PAK5: variants seen among roughly 807,000 people sequenced by gnomAD.
PAK5 encodes the protein p21 (RAC1) activated kinase 5, also known as serine/threonine-protein kinase PAK 5.
A neutral mutation model predicts 65.9 loss-of-function variants in PAK5; 16 were observed. The observed-to-expected ratio is 0.24, with a 90% CI of 0.16 to 0.37. The LOEUF is 0.37. Among genes scored for constraint, PAK5 ranks in the 10% least tolerant of loss-of-function variants. The pLI, the probability that PAK5 is intolerant of heterozygous loss-of-function variation, is 1.00. For missense variants in PAK5, 785 were observed against 903.9 expected (o/e 0.87, Z 1.69); for synonymous variants, 371 against 354.9 (o/e 1.05, Z -0.51).
At chr20:9,696,479 G>A (rs1178114108) in intron 2 of PAK5, among the ~76,000 whole-genome samples, 2 of 151,984 alleles carry the variant, frequency 1.3e-5, no homozygotes, top group African/African-American at 4.8e-5. Context: ...AGCATTTTGG[G>A]GGGTTATTTA....
intron 1 of PAK5, among the ~76,000 whole-genome samples, chr20:9,740,433 C>T (rs1342986246): frequency 1.3e-5 from 2 of 152,142 alleles, no homozygotes; most frequent in Non-Finnish European, 2.9e-5. Flanking sequence ...GGTAATGCCT[C>T]CATCATTCAC....
At chr20:9,771,907 A>C (rs1302201028) in intron 1 of PAK5, among the ~76,000 whole-genome samples, 1 of 152,062 alleles carries the variant, frequency 6.6e-6, no homozygotes, top group Non-Finnish European at 1.5e-5. Context: ...GTGTGCTGGT[A>C]CATGCCCATG....
At position 9,827,924 on chromosome 20, in the gene PAK5, C is replaced by T. The variant is rs192895877; in HGVS notation, c.-162+10838G>A. Among the ~76,000 whole-genome samples the T allele has an allele frequency of 8.9e-4, 135 of 152,302 alleles. 1 individual carries two copies. In the Middle Eastern group the frequency reaches 0.017, roughly 19 times the overall value. On this transcript the variant is annotated intron_variant, in intron 1 of 9. Transcript: ENST00000353224. ...TCAGCTCACTGCAACATCTGCCTCCCGGGTTCAAGCGATTCTCTTGCCTCA... is the reference window on the plus strand; with the variant it reads ...TCAGCTCACTGCAACATCTGCCTCCTGGGTTCAAGCGATTCTCTTGCCTCA...
intron 2 of PAK5, among the ~76,000 whole-genome samples, chr20:9,652,610 C>T (rs1239963366): frequency 6.6e-6 from 1 of 152,188 alleles, no homozygotes; most frequent in Non-Finnish European, 1.5e-5. Flanking sequence ...CAATGATTAT[C>T]CTTGTACCTG....
chr20:9,773,264 G>A (rs901058422), intron 1 of PAK5, among the ~76,000 whole-genome samples: 6 of 152,014 alleles, frequency 3.9e-5, no homozygotes, highest in Non-Finnish European at 7.4e-5. Flanking sequence ...TATACTTTAA[G>A]TTCTAGGGTA....
rs201245722 is a variant in PAK5, at chr20:9,715,488, T to C, written c.-161-4053A>G. Among the ~76,000 whole-genome samples the C allele has an allele frequency of 1.2e-4, 19 of 152,270 alleles. No homozygotes were observed. The East Asian group carries it at 3.1e-3, about 25-fold the overall frequency. On this transcript the variant is annotated intron_variant, in intron 1 of 9. Coordinates refer to ENST00000353224, the MANE Select transcript of PAK5 (RefSeq NM_177990.4). ...GCAACCATTGTGGAAGTCAGTGTGGTGATTCCTCAGGGATCTAGAACTAGA... is the reference window on the plus strand; with the variant it reads ...GCAACCATTGTGGAAGTCAGTGTGGCGATTCCTCAGGGATCTAGAACTAGA...
At chr20:9,734,546 G>A (rs369783386) in intron 1 of PAK5, among the ~76,000 whole-genome samples, 19 of 86,458 alleles carry the variant, frequency 2.2e-4, no homozygotes, top group African/African-American at 5.8e-4. Flanking sequence ...ACACACACGC[G>A]CACATGCACA....
At chr20:9,600,261 A>G (rs1435851528) in intron 3 of PAK5, among the ~76,000 whole-genome samples, 1 of 152,166 alleles carries the variant, frequency 6.6e-6, no homozygotes, top group Non-Finnish European at 1.5e-5. Flanking sequence ...GTAGTTTTGT[A>G]GTAAGTTTTG....
chr20:9,779,343 A>C (rs1399857067), intron 1 of PAK5, among the ~76,000 whole-genome samples: 1 of 123,854 alleles, frequency 8.1e-6, no homozygotes, highest in Non-Finnish European at 1.7e-5. Flanking sequence ...TATAATGGAC[A>C]TTTGTCTAAT....
At chr20:9,748,476 G>T (rs1367264428) in intron 1 of PAK5, among the ~76,000 whole-genome samples, 2 of 152,130 alleles carry the variant, frequency 1.3e-5, no homozygotes, top group Admixed American at 6.5e-5. Context: ...CATGGTACTA[G>T]TACCAAAACA....
At chr20:9,695,239 ACT>A (rs1569044577) in intron 2 of PAK5, among the ~76,000 whole-genome samples, 1 of 151,678 alleles carries the variant, frequency 6.6e-6, no homozygotes, top group Non-Finnish European at 1.5e-5. Context: ...CCTTTTTCTT[ACT>A]CATTTGATGG....
chr20:9,547,977 C>A (rs1016123231), intron 7 of PAK5, among the ~76,000 whole-genome samples: 19 of 152,176 alleles, frequency 1.2e-4, no homozygotes, highest in African/African-American at 4.1e-4. Context: ...TGCACAGAGT[C>A]TAATCTCTTT....
At chr20:9,782,157 T>C (rs1307547547) in intron 1 of PAK5, among the ~76,000 whole-genome samples, 1 of 152,176 alleles carries the variant, frequency 6.6e-6, no homozygotes, top group African/African-American at 2.4e-5. Context: ...GGTGCACTTG[T>C]GTTTTGCACT....
intron 1 of PAK5, among the ~76,000 whole-genome samples, chr20:9,733,662 C>T (rs757350293): frequency 6.6e-6 from 1 of 152,166 alleles, no homozygotes; most frequent in Non-Finnish European, 1.5e-5. Context: ...CCAGACTGGT[C>T]TTGAACTCCC....
chr20:9,820,071 G>A (rs576047882), intron 1 of PAK5, among the ~76,000 whole-genome samples: 1 of 152,144 alleles, frequency 6.6e-6, no homozygotes. Flanking sequence ...CTGCTATACA[G>A]GTCAACAAAT....
intron 2 of PAK5, among the ~76,000 whole-genome samples, chr20:9,653,796 C>A (rs1032882949): frequency 1.6e-4 from 24 of 152,118 alleles, no homozygotes; most frequent in Admixed American, 5.2e-4. Context: ...TGGTAAAAAT[C>A]AAGGCATTGG....
intron 4 of PAK5, among the ~76,000 whole-genome samples, chr20:9,573,557 T>C (rs1478726373): frequency 2.0e-5 from 3 of 152,232 alleles, no homozygotes; most frequent in Non-Finnish European, 4.4e-5. Flanking sequence ...AGGACCTAAC[T>C]GAACTGTGAA....
chr20:9,566,142 G>A lies in PAK5; in HGVS notation c.1233C>T (p.Tyr411=), dbSNP rs145755311. The A allele has an allele frequency of 2.9e-5, 47 of 1,613,896 alleles. No individual in the cohort carries two copies. Among genetic ancestry groups the A allele is most frequent in the Non-Finnish European group, 3.9e-5 (46 of 1,179,976 alleles). ...LSSLSLSSST[Y]PPPSWGSSSD... ...AGGAGGAGCCCCAGCTGGGCGGCGG[G>A]TAGGTGCTGGATGAGAGGCTGAGGG... is the stretch of plus-strand genomic sequence containing the variant. Residue 411 remains tyrosine, a synonymous_variant, in exon 5 of 10, where the codon TAC becomes TAT. Transcript: ENST00000353224.
chr20:9,721,429 G>C (rs1311283413), intron 1 of PAK5, among the ~76,000 whole-genome samples: 1 of 151,784 alleles, frequency 6.6e-6, no homozygotes, highest in Non-Finnish European at 1.5e-5. Context: ...GGGCGGATCA[G>C]CTGAGGTCAG....
Sources: allele counts gnomAD v4.1 joint callset (sites outside exome capture counted in the v4.1 genomes callset), GRCh38; gene constraint gnomAD v4.1.1; transcripts MANE v1.5; gene names NCBI Gene and HGNC (gene_info 2026-07-23, HGNC 2026-07-21).